SCAPER: variants seen among roughly 807,000 people sequenced by gnomAD.
SCAPER encodes the protein S phase cyclin A-associated protein in the endoplasmic reticulum.
SCAPER carries 98 observed loss-of-function variants against 182.2 expected under a neutral mutation model. The observed-to-expected ratio is 0.54, with a 90% CI of 0.46 to 0.64. The LOEUF (loss-of-function observed/expected upper bound fraction) is 0.64. Among genes scored for constraint, SCAPER ranks in the 30% least tolerant of loss-of-function variants. SCAPER has a pLI of 0.00. For synonymous variants in SCAPER, 605 were observed against 564.6 expected, an observed-to-expected ratio of 1.07 and a Z score of -1.01; for missense variants, 1,432 against 1,690.0, an observed-to-expected ratio of 0.85 and a Z score of 2.68.
chr15:76,606,734 C>G (rs113558597), intron 22 of SCAPER, among the ~76,000 whole-genome samples: 20,186 of 151,386 alleles, frequency 0.13, 1,339 homozygotes, highest in African/African-American at 0.17. Flanking sequence ...GGATAGTTAG[C>G]TCTTCTTGTT....
intron 20 of SCAPER, among the ~76,000 whole-genome samples, chr15:76,682,433 C>A (rs894851530): frequency 6.6e-6 from 1 of 152,102 alleles, no homozygotes; most frequent in South Asian, 2.1e-4. Context: ...CCCATCAACA[C>A]CCTGCCACTG....
chr15:76,618,882 T>C (rs1322328958), intron 22 of SCAPER, among the ~76,000 whole-genome samples: 1 of 152,222 alleles, frequency 6.6e-6, no homozygotes, highest in Admixed American at 6.5e-5. Context: ...CCTTGCTCTA[T>C]TGCCTGGGCT....
At chr15:76,553,448 T>C (rs1407628375) in intron 23 of SCAPER, among the ~76,000 whole-genome samples, 1 of 152,126 alleles carries the variant, frequency 6.6e-6, no homozygotes, top group Admixed American at 6.5e-5. Context: ...TCTGCCCCAC[T>C]CCCACAGGTG....
intron 5 of SCAPER, among the ~76,000 whole-genome samples, chr15:76,829,038 A>C (rs1356669678): frequency 6.6e-6 from 1 of 152,234 alleles, no homozygotes; most frequent in African/African-American, 2.4e-5. Context: ...TCACAATTTC[A>C]AAAATTTGAA....
At chr15:76,819,942 A>G (rs919026511) in intron 5 of SCAPER, among the ~76,000 whole-genome samples, 11 of 152,270 alleles carry the variant, frequency 7.2e-5, no homozygotes, top group Admixed American at 3.3e-4. Context: ...ATGAGCAGAC[A>G]TTTCTCAAAA....
chr15:76,363,743 A>G (rs2041614189), intron 29 of SCAPER, among the ~76,000 whole-genome samples: 1 of 152,244 alleles, frequency 6.6e-6, no homozygotes, highest in Non-Finnish European at 1.5e-5. Context: ...GAGTTTGTAA[A>G]TCATTGGAAC....
At chr15:76,787,510 A>C (rs1482590769) in intron 8 of SCAPER, among the ~76,000 whole-genome samples, 1 of 151,996 alleles carries the variant, frequency 6.6e-6, no homozygotes, top group African/African-American at 2.4e-5. Flanking sequence ...ATTTTTAGTA[A>C]AGGCAAGGTC....
intron 20 of SCAPER, among the ~76,000 whole-genome samples, chr15:76,699,616 C>A (rs2058826048): frequency 6.6e-6 from 1 of 152,214 alleles, no homozygotes; most frequent in East Asian, 1.9e-4. Flanking sequence ...TTCAGCAGCG[C>A]TGGACTGCAT....
intron 26 of SCAPER, among the ~76,000 whole-genome samples, chr15:76,408,532 G>T (rs1428438249): frequency 6.6e-6 from 1 of 151,952 alleles, no homozygotes; most frequent in Non-Finnish European, 1.5e-5. Flanking sequence ...GAGTCAAAGG[G>T]TATGCATATT....
chr15:76,760,612 C>G (rs756221805), intron 14 of SCAPER, among the ~76,000 whole-genome samples: 27 of 152,160 alleles, frequency 1.8e-4, no homozygotes, highest in Non-Finnish European at 1.0e-4. Flanking sequence ...AGCACCAATT[C>G]TGAGGCTATT....
At chr15:76,557,090 C>G (rs2046249472) in intron 23 of SCAPER, among the ~76,000 whole-genome samples, 1 of 152,144 alleles carries the variant, frequency 6.6e-6, no homozygotes. Context: ...TGACAAAACA[C>G]TGCTGAAAGC....
At chr15:76,890,886 T>C (rs62029249) in intron 1 of SCAPER, among the ~76,000 whole-genome samples, 10,207 of 152,264 alleles carry the variant, frequency 0.067, 377 homozygotes, top group Middle Eastern at 0.11. Flanking sequence ...TTTAGACCAA[T>C]ATCCCTGATG....
intron 22 of SCAPER, among the ~76,000 whole-genome samples, chr15:76,579,395 T>G (rs1026776080): frequency 6.6e-6 from 1 of 152,012 alleles, no homozygotes; most frequent in Non-Finnish European, 1.5e-5. Flanking sequence ...AAAGTTTTTA[T>G]TAGTTTTTTC....
intron 1 of SCAPER, among the ~76,000 whole-genome samples, chr15:76,895,508 G>A (rs372977719): frequency 5.9e-4 from 88 of 148,348 alleles, no homozygotes; most frequent in Admixed American, 6.0e-4. Flanking sequence ...TCTTGACTAA[G>A]AAAAAAAATA....
intron 5 of SCAPER, among the ~76,000 whole-genome samples, chr15:76,837,071 C>A (rs555940387): frequency 1.3e-5 from 2 of 152,108 alleles, no homozygotes; most frequent in South Asian, 2.1e-4. Context: ...ATCTTCTGTA[C>A]AGCAAAAGAA....
chr15:76,544,212 G>A (rs2045040959), intron 23 of SCAPER, among the ~76,000 whole-genome samples: 2 of 152,132 alleles, frequency 1.3e-5, no homozygotes. Context: ...TTCACACACT[G>A]CTAATGAAAA....
At chr15:76,704,367 T>C (rs1054323905) in intron 18 of SCAPER, among the ~76,000 whole-genome samples, 2 of 152,216 alleles carry the variant, frequency 1.3e-5, no homozygotes, top group African/African-American at 2.4e-5. Context: ...TGGCCATTGC[T>C]TTTGGTGTTT....
intron 8 of SCAPER, among the ~76,000 whole-genome samples, chr15:76,784,081 G>C (rs933488573): frequency 6.6e-6 from 1 of 152,210 alleles, no homozygotes; most frequent in African/African-American, 2.4e-5. Flanking sequence ...ATTAGGAAAA[G>C]AGGAAGTCAA....
At position 76,733,248 on chromosome 15, in the gene SCAPER, G is replaced by T. The variant is rs758607343; in HGVS notation, c.2003C>A (p.Ala668Glu). 1.3e-6 allele frequency: 2 copies of T among 1,582,482 alleles called. No homozygotes were observed. The highest frequency in any genetic ancestry group is 1.2e-5 in the South Asian group (1 of 86,840). The change falls in exon 16 of 32, where the codon GCA becomes GAA. Residue 668 changes from alanine (A) to glutamate (E), a missense_variant. Ala to Glu is a moderately radical substitution (Grantham distance 107). This residue lies in a region of SCAPER where 88 missense variants were observed against 184.2 expected (regional missense o/e 0.48). Transcript: ENST00000563290. ...ERQRRQEEKQ[A>E]RDEAVQERKR... ...TCCTACCTGCACAGCTTCATCACGT[G>T]CTTGCTTTTCTTCCTGTCTTCTCTG... is the stretch of plus-strand genomic sequence containing the variant.
Sources: allele counts gnomAD v4.1 joint callset (sites outside exome capture counted in the v4.1 genomes callset), GRCh38; gene constraint gnomAD v4.1.1; regional missense constraint gnomAD v4.1.1; transcripts MANE v1.5; gene names NCBI Gene and HGNC (gene_info 2026-07-23, HGNC 2026-07-21).